KLC1: variants seen among roughly 807,000 people sequenced by gnomAD.
KLC1 encodes kinesin light chain 1.
In KLC1, 30 loss-of-function variants were observed where a neutral mutation model predicts 84.2. The ratio of observed to expected loss-of-function variants is 0.36; its 90% CI spans 0.27 to 0.48. The LOEUF is 0.48. KLC1 is among the 20% of genes least tolerant of loss of function. KLC1 has a pLI of 0.99. For missense variants in KLC1, 499 were observed against 805.4 expected (o/e 0.62, Z 4.60); for synonymous variants, 289 against 293.3 (o/e 0.99, Z 0.15).
In KLC1 at chr14:103,697,148, T is replaced by C. The variant is rs3212131; in HGVS notation, c.1849-3507T>C. 557 of 984,118 alleles carry C rather than the reference T, an allele frequency of 5.7e-4. 12 individuals are homozygous for C. The South Asian group carries it at 0.021, about 37-fold the overall frequency. 61.0% of individuals were successfully genotyped at this position (984,118 alleles called of 1,614,324 possible). A position where few individuals can be genotyped will look rare whatever the true frequency, so the allele number is the denominator to read the frequency against. ...CAGAAATAAAATGTCTTACTTGCCA[T>C]TGTAGAATTCCTGCACTTTTGCAGA... On this transcript the variant is annotated intron_variant, in intron 15 of 16. Transcript: ENST00000334553.
rs548777449 is a variant in KLC1 at position 103,673,373 on chromosome 14, A to G, written c.1203A>G (p.Glu401=). The change falls in exon 9 of 17, where the codon GAA becomes GAG. Residue 401 remains glutamate (E), a synonymous_variant. Transcript: ENST00000334553. ...YLKQGKFKQA[E]TLYKEILTRA... is the part of the protein sequence containing the mutation. ...AACAAGGAAAGTTCAAGCAAGCAGA[A>G]ACACTGTACAAAGAGATTCTCACTC... The G allele has an allele frequency of 6.2e-7, 1 of 1,608,928 alleles. No homozygotes were observed. Among genetic ancestry groups the G allele is most frequent in the South Asian group, 1.1e-5 (1 of 89,444 alleles).
chr14:103,658,656 CTTT>C (rs58151718), intron 3 of KLC1, among the ~76,000 whole-genome samples: 3 of 107,950 alleles, frequency 2.8e-5, no homozygotes, highest in Non-Finnish European at 1.8e-5. Context: ...ATTCAGTTAA[CTTT>C]TTTTTTTTTT....
chr14:103,695,010 G>T, intron 15 of KLC1: 1 of 985,438 alleles, frequency 1.0e-6, no homozygotes, highest in South Asian at 4.7e-5. Context: ...GCTCGCCTGT[G>T]GCCGTGGCTC....
chr14:103,700,804 G>A, intron 16 of KLC1, 77 bp downstream of exon 16: 2 of 1,220,568 alleles, frequency 1.6e-6, no homozygotes, highest in South Asian at 1.5e-5. Context: ...GGGACTGGGG[G>A]GAGCTGGGGA....
chr14:103,695,281 C>T (rs1307045718), intron 15 of KLC1: 7 of 636,954 alleles, frequency 1.1e-5, no homozygotes, highest in East Asian at 1.4e-4. Context: ...GGCAACACAG[C>T]GAGTCCCTGT....
chr14:103,655,578 C>T (rs916232249), intron 2 of KLC1, among the ~76,000 whole-genome samples: 3 of 151,270 alleles, frequency 2.0e-5, no homozygotes, highest in East Asian at 2.0e-4. Flanking sequence ...ATTACAGGCG[C>T]GAGCCACCAT....
chr14:103,662,971 T>G, intron 5 of KLC1, 44 bp downstream of exon 5: 1 of 1,360,722 alleles, frequency 7.3e-7, no homozygotes, highest in Admixed American at 2.2e-5. Context: ...CTAGAGACAA[T>G]GTTTTTAACC....
chr14:103,685,662 C>G (rs1179058654), intron 13 of KLC1: 1 of 1,289,550 alleles, frequency 7.8e-7, no homozygotes, highest in Non-Finnish European at 1.0e-6. Context: ...GACTCTCACA[C>G]TGTCTCCTGC....
chr14:103,699,083 G>A (rs780906908), intron 15 of KLC1: 19 of 1,564,764 alleles, frequency 1.2e-5, no homozygotes, highest in African/African-American at 4.1e-5. Context: ...CGGCCCAGCT[G>A]TGCCCCTGGC....
At chr14:103,670,484 A>G (rs1298151233) in intron 7 of KLC1, among the ~76,000 whole-genome samples, 2 of 151,684 alleles carry the variant, frequency 1.3e-5, no homozygotes, top group Non-Finnish European at 2.9e-5. Context: ...CTACAGGGAC[A>G]CACCACCACG....
chr14:103,668,759 G>C lies in KLC1; in HGVS notation c.798-752G>C, dbSNP rs976810432. 2.1e-5 allele frequency among the ~76,000 whole-genome samples: 3 copies of C among 141,234 alleles called. No individual in the cohort carries two copies. The South Asian group carries it at 6.9e-4, about 32-fold the overall frequency. The allele number at this position is 141,234 out of a possible 152,430, so 92.7% of individuals were successfully genotyped here. A position where few individuals can be genotyped will look rare whatever the true frequency, so the allele number is the denominator to read the frequency against. On this transcript the variant is annotated intron_variant, in intron 5 of 16. Transcript: ENST00000334553. ...CTCCCAAAGTGTTGGGATTACAGGC[G>C]TGAGCCACCACACCCATCTTTTTAT...
In KLC1 at chr14:103,645,215, C is replaced by T. The variant is rs548208669; in HGVS notation, c.-1-9349C>T. 3.9e-5 allele frequency among the ~76,000 whole-genome samples: 6 copies of T among 152,134 alleles called. No individual in the cohort carries two copies. In the East Asian group the frequency reaches 5.8e-4, roughly 15 times the overall value. Reference sequence around the variant, plus strand: ...CTCGAACTCCCGACCTCAGGTGATCCGCCCGCCTCGGCCTCCCAAAGTGCT... The same window carrying T: ...CTCGAACTCCCGACCTCAGGTGATCTGCCCGCCTCGGCCTCCCAAAGTGCT... On this transcript the variant is annotated intron_variant, in intron 1 of 16. Transcript: ENST00000334553.
chr14:103,674,758 T>A (rs558250131), intron 9 of KLC1, among the ~76,000 whole-genome samples: 2 of 152,312 alleles, frequency 1.3e-5, no homozygotes, highest in African/African-American at 4.8e-5. Flanking sequence ...ATCTTGCTAC[T>A]TTTTCTTAGA....
Position 103,693,065 on chromosome 14 carries a change from C to T in KLC1, c.1848+640C>T, listed in dbSNP as rs1047883938. The stretch of plus-strand genomic sequence containing the variant: ...TGCTCTAGAACCTGTTTCTCAGGTG[C>T]CTGGGGCCCACCCGGCAGCTCGAGC... On this transcript the variant is annotated intron_variant, in intron 15 of 16. Transcript: ENST00000334553. The surrounding 1 kb of genome is among the most constrained non-coding windows in gnomAD (Gnocchi z 5.1). Among the ~76,000 whole-genome samples, 6 of 152,244 alleles carry T rather than the reference C, an allele frequency of 3.9e-5. No homozygotes were observed. Among genetic ancestry groups the T allele is most frequent in the Non-Finnish European group, 1.5e-5 (1 of 68,036 alleles).
intron 1 of KLC1, among the ~76,000 whole-genome samples, chr14:103,637,575 T>A (rs1312775983): frequency 6.6e-6 from 1 of 152,140 alleles, no homozygotes; most frequent in Non-Finnish European, 1.5e-5. Flanking sequence ...TATCTTTTAT[T>A]TTTTGTTGTT....
At position 103,693,564 on chromosome 14, in the gene KLC1, TTGTC is replaced by T. The variant is rs1386454382; in HGVS notation, c.1848+1142_1848+1145del. ...GTTTTTTCATGCAGGAACGAAATAA[TTGTC>T]TGGCCGACTCGCGAGCTCTGAGTGC... is the stretch of plus-strand genomic sequence containing the variant. On this transcript the variant is annotated intron_variant, in intron 15 of 16. Coordinates refer to ENST00000334553, the MANE Select transcript of KLC1 (RefSeq NM_001394837.1). This position sits in a 1 kb window ranked among gnomAD's most constrained non-coding sequence, Gnocchi z 5.1. 3.9e-6 allele frequency: 6 copies of T among 1,536,152 alleles called. No individual in the cohort carries two copies. The highest frequency in any genetic ancestry group is 1.2e-5 in the South Asian group (1 of 84,068).
At chr14:103,673,299 G>T (rs761795295) in intron 8 of KLC1, 33 bp from the exon 9 acceptor site, 2 of 1,541,644 alleles carry the variant, frequency 1.3e-6, no homozygotes, top group South Asian at 2.4e-5. Flanking sequence ...ACATCTGAAA[G>T]ATATGAAATA....
chr14:103,644,154 G>A (rs1595287136), intron 1 of KLC1, among the ~76,000 whole-genome samples: 1 of 143,410 alleles, frequency 7.0e-6, no homozygotes. Context: ...GGCGGAGCTT[G>A]CAGTGAGCCG....
At chr14:103,686,843 C>G (rs906011933) in intron 13 of KLC1, 1 of 190,004 alleles carries the variant, frequency 5.3e-6, no homozygotes, top group African/African-American at 2.3e-5. Flanking sequence ...AATGAGCTTC[C>G]TTATGTCCAA....
Sources: allele counts gnomAD v4.1 joint callset (sites outside exome capture counted in the v4.1 genomes callset), GRCh38; gene constraint gnomAD v4.1.1; non-coding constraint Gnocchi (gnomAD v3.1); transcripts MANE v1.5; gene names NCBI Gene and HGNC (gene_info 2026-07-23, HGNC 2026-07-21).